Variants in DYRK1A observed in about 807,000 individuals in gnomAD.
DYRK1A encodes the protein dual specificity tyrosine-phosphorylation-regulated kinase 1A.
Under a neutral mutation model 79.7 loss-of-function variants are expected in DYRK1A, and 9 were observed. The observed-to-expected ratio is 0.11, with a 90% CI of 0.07 to 0.20. The LOEUF is 0.20. Among genes scored for constraint, DYRK1A ranks in the 10% least tolerant of loss-of-function variants. DYRK1A has a pLI of 1.00. For synonymous variants in DYRK1A, 349 were observed against 329.7 expected (o/e 1.06, Z -0.63); for missense variants, 622 against 956.0 (o/e 0.65, Z 4.61).
At chr21:37,384,849 A>C (rs140210264) in intron 1 of DYRK1A, among the ~76,000 whole-genome samples, 5 of 152,284 alleles carry the variant, frequency 3.3e-5, no homozygotes, top group Non-Finnish European at 4.4e-5. Context: ...TGATATGAAA[A>C]ATATACTGGG....
At chr21:37,488,875 CTA>C (rs2052972493) in intron 6 of DYRK1A, 5 of 985,104 alleles carry the variant, frequency 5.1e-6, no homozygotes, top group Non-Finnish European at 6.0e-6. Flanking sequence ...TATCATGGAA[CTA>C]TGTTTTTAGT....
intron 1 of DYRK1A, among the ~76,000 whole-genome samples, chr21:37,418,490 A>G (rs537979982): frequency 2.0e-5 from 3 of 152,198 alleles, no homozygotes; most frequent in Admixed American, 6.5e-5. Context: ...ATCTACTTCT[A>G]TCGAAACTGG....
intron 9 of DYRK1A, among the ~76,000 whole-genome samples, chr21:37,500,062 GCGTATA>G (rs964807393): frequency 4.8e-4 from 73 of 152,336 alleles, no homozygotes; most frequent in African/African-American, 1.7e-3. Context: ...CCAACCCCCT[GCGTATA>G]CTGAGGGATG....
intron 1 of DYRK1A, among the ~76,000 whole-genome samples, chr21:37,389,484 C>A (rs927154987): frequency 2.0e-5 from 3 of 152,034 alleles, no homozygotes; most frequent in Admixed American, 1.3e-4. Context: ...ATTTCTGATT[C>A]GAGGTTGGTT....
At chr21:37,482,367 A>T (rs1375333200) in intron 5 of DYRK1A, among the ~76,000 whole-genome samples, 1 of 152,188 alleles carries the variant, frequency 6.6e-6, no homozygotes. Context: ...AAAGCTGGGC[A>T]TCTGGGGGAG....
intron 2 of DYRK1A, among the ~76,000 whole-genome samples, chr21:37,469,627 G>A (rs1012872317): frequency 2.6e-5 from 4 of 152,164 alleles, no homozygotes; most frequent in Non-Finnish European, 4.4e-5. Flanking sequence ...CGTTGGAGAA[G>A]CAGGCATGTC....
At chr21:37,438,364 A>C (rs1169817704) in intron 2 of DYRK1A, among the ~76,000 whole-genome samples, 2 of 152,118 alleles carry the variant, frequency 1.3e-5, no homozygotes, top group East Asian at 1.9e-4. Flanking sequence ...CTGCTTTTGG[A>C]AAGTTTTTGC....
At chr21:37,413,978 GTT>G (rs2050289419) in intron 1 of DYRK1A, among the ~76,000 whole-genome samples, 1 of 152,132 alleles carries the variant, frequency 6.6e-6, no homozygotes, top group Non-Finnish European at 1.5e-5. Flanking sequence ...CTCAATAGGT[GTT>G]TGCTTAAAAT....
chr21:37,478,463 G>A (rs777361198), intron 4 of DYRK1A, among the ~76,000 whole-genome samples, 163 bp downstream of exon 4: 4 of 152,076 alleles, frequency 2.6e-5, no homozygotes, highest in Non-Finnish European at 4.4e-5. Flanking sequence ...TTATGTAAAA[G>A]ATATATTAAC....
At chr21:37,464,164 C>T in intron 2 of DYRK1A, 1 of 300,898 alleles carries the variant, frequency 3.3e-6, no homozygotes, top group Non-Finnish European at 6.7e-6. Flanking sequence ...AGGGTCTTTT[C>T]TCATGCTTTT....
chr21:37,416,308 T>C (rs2050337316), intron 1 of DYRK1A, among the ~76,000 whole-genome samples: 1 of 143,928 alleles, frequency 6.9e-6, no homozygotes, highest in South Asian at 2.3e-4. Context: ...TAAAGTCTTG[T>C]GTTTTGGCCT....
rs1268126817 is a variant in DYRK1A, at chr21:37,518,342, G to C, written c.*5811G>C. The C allele has an allele frequency of 1.3e-5, 2 of 152,246 alleles. No homozygotes were observed. Among genetic ancestry groups the C allele is most frequent in the African/African-American group, 4.8e-5 (2 of 41,456 alleles). The allele number at this position is 152,246 out of a possible 1,614,324, so 9.4% of individuals were successfully genotyped here. ...TTCCATTGCCCGCAAATCCAGGAAA[G>C]AAATGACTAATGAACTCTAGTGATC... On this transcript the variant is annotated 3_prime_UTR_variant, in exon 12 of 12. Coordinates refer to ENST00000647188, the MANE Select transcript of DYRK1A (RefSeq NM_001347721.2).
chr21:37,449,853 A>G (rs1319208848), intron 2 of DYRK1A, among the ~76,000 whole-genome samples: 3 of 152,158 alleles, frequency 2.0e-5, no homozygotes, highest in Non-Finnish European at 4.4e-5. Flanking sequence ...TTGGATGCAG[A>G]CAACAGAAAC....
At position 37,512,353 on chromosome 21, in the gene DYRK1A, A is replaced by G. The variant is rs756765804; in HGVS notation, c.2087A>G (p.Tyr696Cys). ...NGAMDVNLTV[Y>C]SNPRQETGIA... ...GCTATGGACGTTAATTTGACCGTCTACTCCAATCCCCGCCAAGAGACTGGC... is the reference window on the plus strand; with the variant it reads ...GCTATGGACGTTAATTTGACCGTCTGCTCCAATCCCCGCCAAGAGACTGGC... The change falls in exon 12 of 12, where the codon TAC becomes TGC. Residue 696 changes from tyrosine (Y) to cysteine (C), a missense_variant. Physicochemically the swap from Tyr to Cys is radical, Grantham distance 194. Transcript: ENST00000647188. The G allele has an allele frequency of 9.9e-6, 16 of 1,614,002 alleles. No homozygotes were observed. The East Asian group carries it at 1.1e-4, about 11-fold the overall frequency.
chr21:37,483,213 T>C (rs2052720144), intron 5 of DYRK1A, among the ~76,000 whole-genome samples: 1 of 152,208 alleles, frequency 6.6e-6, no homozygotes, highest in Non-Finnish European at 1.5e-5. Context: ...TAAGAAATTA[T>C]AAAAGTATTA....
rs1036908224 is a variant in DYRK1A at position 37,521,241 on chromosome 21, C to T, written c.*8710C>T. 1.3e-5 allele frequency: 2 copies of T among 152,174 alleles called. No homozygotes were observed. Among genetic ancestry groups the T allele is most frequent in the East Asian group, 1.9e-4 (1 of 5,192 alleles). The allele number at this position is 152,174 out of a possible 1,614,324, so 9.4% of individuals were successfully genotyped here. A position where few individuals can be genotyped will look rare whatever the true frequency, so the allele number is the denominator to read the frequency against. On this transcript the variant is annotated 3_prime_UTR_variant, in exon 12 of 12. Coordinates refer to ENST00000647188, the MANE Select transcript of DYRK1A (RefSeq NM_001347721.2). ...CAGTGACTAGATGCAAGAAGCAAAA[C>T]GGTAAATTTCCTTTTACTGGCAAAA...
chr21:37,436,548 A>G (rs1281589992), intron 2 of DYRK1A, among the ~76,000 whole-genome samples: 1 of 152,150 alleles, frequency 6.6e-6, no homozygotes, highest in East Asian at 1.9e-4. Context: ...TGTCCCTCCC[A>G]TTGGCCCTAA....
chr21:37,492,680 A>C (rs1305275879), intron 7 of DYRK1A, among the ~76,000 whole-genome samples: 1 of 152,210 alleles, frequency 6.6e-6, no homozygotes, highest in Admixed American at 6.5e-5. Flanking sequence ...TAGTAGGAAG[A>C]AATAATTATT....
chr21:37,495,998 G>A (rs2053256013), intron 8 of DYRK1A, 120 bp from the exon 9 acceptor site: 2 of 899,048 alleles, frequency 2.2e-6, no homozygotes, highest in Non-Finnish European at 3.4e-6. Flanking sequence ...TATGCTGGAT[G>A]TCTAGAGGAG....
Sources: gnomAD v4.1 joint callset for allele counts (sites outside exome capture counted in the v4.1 genomes callset) on GRCh38, gnomAD v4.1.1 for gene constraint, MANE v1.5 for transcripts, NCBI Gene and HGNC (gene_info 2026-07-23, HGNC 2026-07-21) for gene names.